Variants in PTGFRN observed in about 807,000 individuals in gnomAD.
PTGFRN encodes prostaglandin F2 receptor inhibitor.
Under a neutral mutation model 83.2 loss-of-function variants are expected in PTGFRN, and 35 were observed. The ratio of observed to expected loss-of-function variants is 0.42; its 90% confidence interval spans 0.32 to 0.56. PTGFRN has a LOEUF of 0.56. PTGFRN is among the 20% of genes least tolerant of loss of function. The probability of loss-of-function intolerance (pLI) is 0.11; values close to 1 mark genes in which losing one functional copy is unlikely to be tolerated. For synonymous variants in PTGFRN, 519 were observed against 498.6 expected (o/e 1.04, Z -0.55); for missense variants, 1,051 against 1,179.5 (o/e 0.89, Z 1.60).
chr1:116,924,035 G>A (rs939845521), intron 1 of PTGFRN, among the ~76,000 whole-genome samples: 2 of 152,006 alleles, frequency 1.3e-5, no homozygotes, highest in Non-Finnish European at 2.9e-5. Context: ...AGAAAAGGGA[G>A]AGCATTCTGG....
At chr1:116,929,514 T>C (rs1278165880) in intron 1 of PTGFRN, among the ~76,000 whole-genome samples, 1 of 152,222 alleles carries the variant, frequency 6.6e-6, no homozygotes, top group African/African-American at 2.4e-5. Flanking sequence ...TGATCTTTTT[T>C]TTCTGTACTT....
At chr1:116,981,492 G>A (rs1651317062) in intron 7 of PTGFRN, among the ~76,000 whole-genome samples, 1 of 152,242 alleles carries the variant, frequency 6.6e-6, no homozygotes, top group African/African-American at 2.4e-5. Context: ...CAAGCTCTAA[G>A]CAAAGGGCGG....
chr1:116,941,709 T>G lies in PTGFRN; in HGVS notation c.50-6T>G. The G allele has an allele frequency of 6.2e-7, 1 of 1,605,726 alleles. No individual in the cohort carries two copies. Among genetic ancestry groups the G allele is most frequent in the Non-Finnish European group, 8.5e-7 (1 of 1,175,342 alleles). The stretch of plus-strand genomic sequence containing the variant: ...AAGACCTGCCTTTCATCTTTTATCA[T>G]TGCAGCTCTTTGCCGAGGGCGTGTG... On this transcript the variant is annotated splice_region_variant and splice_polypyrimidine_tract_variant and intron_variant, in intron 1 of 8. Coordinates refer to ENST00000393203, the MANE Select transcript of PTGFRN (RefSeq NM_020440.4). This position sits in a 1 kb window ranked among gnomAD's most constrained non-coding sequence, Gnocchi z 5.0.
rs191596106 is a variant in PTGFRN at position 116,939,040 on chromosome 1, G to A, written c.50-2675G>A. Among the ~76,000 whole-genome samples the A allele has an allele frequency of 3.8e-3, 576 of 152,334 alleles. 1 individual carries two copies. Among genetic ancestry groups the A allele is most frequent in the African/African-American group, 0.012 (517 of 41,578 alleles). The stretch of plus-strand genomic sequence containing the variant: ...GTTCCCATGGTCTTGGGCAGGCTCC[G>A]CCCCTGAGGCTTTGCAGGGTACTGC... On this transcript the variant is annotated intron_variant, in intron 1 of 8. Transcript: ENST00000393203.
intron 5 of PTGFRN, among the ~76,000 whole-genome samples, chr1:116,966,339 A>G (rs1650829976): frequency 6.6e-6 from 1 of 152,274 alleles, no homozygotes; most frequent in Admixed American, 6.5e-5. Context: ...CTGCAAATAC[A>G]TACGCTACAG....
At chr1:116,960,393 A>C (rs368744745) in intron 4 of PTGFRN, among the ~76,000 whole-genome samples, 1 of 152,184 alleles carries the variant, frequency 6.6e-6, no homozygotes, top group African/African-American at 2.4e-5. Context: ...GGACAGAACC[A>C]TGGAGGTGCA....
chr1:116,944,821 G>T lies in PTGFRN; in HGVS notation c.561G>T (p.Val187=). The T allele has an allele frequency of 6.3e-7, 1 of 1,575,534 alleles. No homozygotes were observed. ...CGCACCTGGCGCTGCTGTGGGAGGT[G>T]CACCGCGGCCCGGCCAGGCGGAGCG... ...LHTHLALLWE[V]HRGPARRSVL... Residue 187 remains valine, a synonymous_variant, in exon 3 of 9, where the codon GTG becomes GTT. Coordinates refer to ENST00000393203, the MANE Select transcript of PTGFRN (RefSeq NM_020440.4).
At chr1:116,971,737 G>A (rs1651001398) in intron 6 of PTGFRN, among the ~76,000 whole-genome samples, 1 of 152,218 alleles carries the variant, frequency 6.6e-6, no homozygotes, top group African/African-American at 2.4e-5. Context: ...CCCACGTCCA[G>A]TAGGGGAAGT....
chr1:116,951,734 G>A (rs548770889), intron 4 of PTGFRN, among the ~76,000 whole-genome samples: 6 of 152,102 alleles, frequency 3.9e-5, no homozygotes, highest in African/African-American at 1.4e-4. Context: ...CAGCTGCTTG[G>A]ACACTTGTCA....
chr1:116,914,194 C>T (rs1434480987), intron 1 of PTGFRN, among the ~76,000 whole-genome samples: 1 of 152,220 alleles, frequency 6.6e-6, no homozygotes, highest in African/African-American at 2.4e-5. Flanking sequence ...TCTAAGATCA[C>T]TTTGGTAGTC....
At position 116,952,637 on chromosome 1, in the gene PTGFRN, A is replaced by C. The variant is rs1222123362; in HGVS notation, c.1213+3065A>C. On this transcript the variant is annotated intron_variant, in intron 4 of 8. Coordinates refer to ENST00000393203, the MANE Select transcript of PTGFRN (RefSeq NM_020440.4). The surrounding 1 kb of genome is among the most constrained non-coding windows in gnomAD (Gnocchi z 4.0). ...CTCTGAAGTTCTGAAGAGTTGAGAC[A>C]AAAAAAAAGATGTGATTATACAGTT... 3.3e-5 allele frequency among the ~76,000 whole-genome samples: 5 copies of C among 150,404 alleles called. No individual in the cohort carries two copies. The highest frequency in any genetic ancestry group is 7.4e-5 in the Non-Finnish European group (5 of 67,348).
At chr1:116,931,701 TG>T (rs1191617128) in intron 1 of PTGFRN, among the ~76,000 whole-genome samples, 4 of 152,134 alleles carry the variant, frequency 2.6e-5, no homozygotes, top group African/African-American at 9.7e-5. Flanking sequence ...GACCTCTCAG[TG>T]GCAGACTTGA....
intron 5 of PTGFRN, among the ~76,000 whole-genome samples, chr1:116,964,704 A>T (rs1033205554): frequency 1.3e-5 from 2 of 152,226 alleles, no homozygotes; most frequent in African/African-American, 4.8e-5. Context: ...ACTAACAGGC[A>T]TCTCAAGCTT....
intron 3 of PTGFRN, among the ~76,000 whole-genome samples, chr1:116,947,235 G>C (rs1650223513): frequency 6.6e-6 from 1 of 152,204 alleles, no homozygotes; most frequent in African/African-American, 2.4e-5. Flanking sequence ...GAGTGAAGCT[G>C]TGCTACCCAT....
At position 116,952,213 on chromosome 1, in the gene PTGFRN, C is replaced by G. The variant is rs951574561; in HGVS notation, c.1213+2641C>G. ...GGGACTCAGCTTCATTCCTGAAACT[C>G]CAGAGCATAGTCCTAAGAGCTGGGT... On this transcript the variant is annotated intron_variant, in intron 4 of 8. Transcript: ENST00000393203. The surrounding 1 kb of genome is among the most constrained non-coding windows in gnomAD (Gnocchi z 4.0). 2.0e-5 allele frequency among the ~76,000 whole-genome samples: 3 copies of G among 152,116 alleles called. No individual in the cohort carries two copies. Among genetic ancestry groups the G allele is most frequent in the African/African-American group, 7.2e-5 (3 of 41,402 alleles).
intron 1 of PTGFRN, among the ~76,000 whole-genome samples, chr1:116,919,770 T>A (rs1465044054): frequency 1.2e-4 from 19 of 152,246 alleles, no homozygotes; most frequent in Admixed American, 1.2e-3. Flanking sequence ...TTAGTCAAAA[T>A]ATATCTTTGA....
At chr1:116,938,613 T>G (rs2101061538) in intron 1 of PTGFRN, among the ~76,000 whole-genome samples, 1 of 152,284 alleles carries the variant, frequency 6.6e-6, no homozygotes, top group East Asian at 1.9e-4. Flanking sequence ...GAGATTTCGG[T>G]GGGGACAGAG....
At chr1:116,973,401 TC>T (rs1053642410) in intron 6 of PTGFRN, among the ~76,000 whole-genome samples, 3 of 152,032 alleles carry the variant, frequency 2.0e-5, no homozygotes, top group African/African-American at 7.2e-5. Context: ...GGTCAGGGGT[TC>T]GAGACCAGGC....
intron 4 of PTGFRN, among the ~76,000 whole-genome samples, chr1:116,956,295 A>G (rs530438960): frequency 6.6e-6 from 1 of 152,234 alleles, no homozygotes; most frequent in Non-Finnish European, 1.5e-5. Context: ...TCTGAGGCCT[A>G]AGGTTAGTTT....
Sources: gnomAD v4.1 joint callset for allele counts (sites outside exome capture counted in the v4.1 genomes callset) on GRCh38, gnomAD v4.1.1 for gene constraint, Gnocchi (gnomAD v3.1) non-coding constraint, MANE v1.5 for transcripts, NCBI Gene and HGNC (gene_info 2026-07-23, HGNC 2026-07-21) for gene names.